The following PCOLCE2 variants were observed in gnomAD, a reference collection of about 807,000 sequenced individuals.
The protein encoded by PCOLCE2 is procollagen C-endopeptidase enhancer 2, also known as procollagen C-proteinase enhancer 2.
A neutral mutation model predicts 47.0 loss-of-function variants in PCOLCE2; 42 were observed. That is an observed-to-expected ratio of 0.89 (90% CI 0.70 to 1.16). PCOLCE2 has a LOEUF of 1.16. Among genes scored for constraint, PCOLCE2 ranks in the 50% most tolerant of loss-of-function variants. The pLI is 0.00. For missense variants in PCOLCE2, 500 were observed against 526.1 expected (o/e 0.95, Z 0.49); for synonymous variants, 169 against 191.7 (o/e 0.88, Z 0.98).
At chr3:142,848,939 G>T (rs1183662834) in intron 2 of PCOLCE2, among the ~76,000 whole-genome samples, 2 of 152,108 alleles carry the variant, frequency 1.3e-5, no homozygotes, top group Non-Finnish European at 2.9e-5. Flanking sequence ...GGATCACAAG[G>T]TCAGGAGATC....
At chr3:142,878,137 C>T (rs985151739) in intron 2 of PCOLCE2, among the ~76,000 whole-genome samples, 2 of 152,158 alleles carry the variant, frequency 1.3e-5, no homozygotes, top group African/African-American at 4.8e-5. Flanking sequence ...CCTCCCTTCA[C>T]ATTTTTGAAA....
chr3:142,863,616 G>T (rs1933225794), intron 2 of PCOLCE2, among the ~76,000 whole-genome samples: 1 of 152,160 alleles, frequency 6.6e-6, no homozygotes, highest in Non-Finnish European at 1.5e-5. Context: ...AAGAGAGGAA[G>T]AGGGTGTGGG....
intron 2 of PCOLCE2, among the ~76,000 whole-genome samples, chr3:142,855,354 A>G (rs4300980): frequency 0.57 from 86,874 of 151,602 alleles, 25,713 homozygotes; most frequent in Non-Finnish European, 0.66. Flanking sequence ...ATAATAGTGC[A>G]GGCCATGACT....
chr3:142,860,425 T>TTTG (rs140866650), intron 2 of PCOLCE2, among the ~76,000 whole-genome samples: 4,239 of 151,662 alleles, frequency 0.028, 180 homozygotes, highest in African/African-American at 0.095. Context: ...TAATTGCCTT[T>TTTG]TTGTTGTTGT....
intron 2 of PCOLCE2, chr3:142,863,771 C>T (rs1356558360): frequency 6.6e-6 from 1 of 152,172 alleles, no homozygotes; most frequent in African/African-American, 2.4e-5. Flanking sequence ...CTTATAAATT[C>T]TTTTCAAACT....
chr3:142,882,212 A>AT (rs397970809), intron 2 of PCOLCE2, among the ~76,000 whole-genome samples: 1 of 151,418 alleles, frequency 6.6e-6, no homozygotes, highest in Non-Finnish European at 1.5e-5. Context: ...AAAAAAAAAA[A>AT]TTGCAGAGAC....
At chr3:142,887,997 T>C (rs1359619509) in intron 1 of PCOLCE2, among the ~76,000 whole-genome samples, 1 of 152,196 alleles carries the variant, frequency 6.6e-6, no homozygotes, top group Non-Finnish European at 1.5e-5. Flanking sequence ...TCCATCATAA[T>C]AACACAAGAT....
chr3:142,825,512 A>T (rs1937066541), intron 6 of PCOLCE2, among the ~76,000 whole-genome samples: 1 of 151,856 alleles, frequency 6.6e-6, no homozygotes. Context: ...TTTCCTAGAC[A>T]CTCAGTTCCA....
intron 3 of PCOLCE2, among the ~76,000 whole-genome samples, chr3:142,847,603 C>T (rs961248421): frequency 6.6e-6 from 1 of 152,294 alleles, no homozygotes; most frequent in Non-Finnish European, 1.5e-5. Context: ...GTGGCATGAT[C>T]ACGGTCACTG....
intron 6 of PCOLCE2, among the ~76,000 whole-genome samples, chr3:142,828,621 A>C (rs1937111941): frequency 6.6e-6 from 1 of 152,182 alleles, no homozygotes; most frequent in African/African-American, 2.4e-5. Context: ...AGTAGGTCTG[A>C]GGCAGAAAAT....
In PCOLCE2 at chr3:142,828,834, G is replaced by A. The variant is rs114907256; in HGVS notation, c.865+858C>T. On this transcript the variant is annotated intron_variant, in intron 6 of 8. Coordinates refer to ENST00000295992, the MANE Select transcript of PCOLCE2 (RefSeq NM_013363.4). ...ACACCAAGGCTTACTGAGCTGAGCT[G>A]GAGAAATACAGCAGTTACATGAGGC... Among the ~76,000 whole-genome samples the A allele has an allele frequency of 7.1e-3, 1,086 of 152,242 alleles. 15 individuals are homozygous for A. Among genetic ancestry groups the A allele is most frequent in the African/African-American group, 0.024 (1,016 of 41,528 alleles).
At chr3:142,839,015 TA>T (rs139017693) in intron 4 of PCOLCE2, 109 bp from the exon 5 acceptor site, 7 of 820,614 alleles carry the variant, frequency 8.5e-6, no homozygotes, top group Admixed American at 2.7e-5. Flanking sequence ...TTTTCCTTTG[TA>T]AAAAAAGTAT....
intron 2 of PCOLCE2, among the ~76,000 whole-genome samples, chr3:142,852,773 G>A (rs1276208785): frequency 6.7e-6 from 1 of 148,398 alleles, no homozygotes; most frequent in Non-Finnish European, 1.5e-5. Flanking sequence ...TTATATATAT[G>A]TAACCATGCA....
chr3:142,818,966 A>G (rs1936983192), intron 8 of PCOLCE2, among the ~76,000 whole-genome samples: 1 of 152,168 alleles, frequency 6.6e-6, no homozygotes, highest in African/African-American at 2.4e-5. Context: ...GGGCTCCATG[A>G]TGGGCCATCC....
chr3:142,849,152 CA>C (rs11314094), intron 2 of PCOLCE2, among the ~76,000 whole-genome samples: 91,198 of 145,306 alleles, frequency 0.63, 28,217 homozygotes, highest in Non-Finnish European at 0.67. Flanking sequence ...GACTCCACCT[CA>C]AAAAAAAAAA....
rs1936972803 is a variant in PCOLCE2, at chr3:142,818,272, T to TGA, written c.*61_*62dup. The TGA allele has an allele frequency of 7.0e-7, 1 of 1,433,668 alleles. No individual in the cohort carries two copies. Among genetic ancestry groups the TGA allele is most frequent in the Admixed American group, 1.9e-5 (1 of 53,578 alleles). 88.8% of individuals were successfully genotyped at this position (1,433,668 alleles called of 1,614,324 possible). ...ATTTTATAAGTATTTTTTTTTCTAC[T>TGA]GAGAGAACATAGATCTTTCAAAGGC... On this transcript the variant is annotated 3_prime_UTR_variant, in exon 9 of 9. Transcript: ENST00000295992.
chr3:142,874,207 T>A lies in PCOLCE2; in HGVS notation c.192+13462A>T, dbSNP rs180782934. ...TCTCCTGCCTCAGCCTCTTGAGTAG[T>A]TGGGACTACAGGCACACGCCACCAC... On this transcript the variant is annotated intron_variant, in intron 2 of 8. Transcript: ENST00000295992. 1.3e-3 allele frequency among the ~76,000 whole-genome samples: 193 copies of A among 152,296 alleles called. 2 individuals are homozygous for A. Among genetic ancestry groups the A allele is most frequent in the African/African-American group, 4.4e-3 (183 of 41,562 alleles).
chr3:142,830,217 T>C (rs1937129773), intron 5 of PCOLCE2, among the ~76,000 whole-genome samples: 1 of 152,190 alleles, frequency 6.6e-6, no homozygotes, highest in Admixed American at 6.5e-5. Context: ...GTGGCAGACG[T>C]TGGGACATGG....
chr3:142,888,623 G>A (rs1256353967), intron 1 of PCOLCE2, 191 bp downstream of exon 1: 1 of 429,978 alleles, frequency 2.3e-6, no homozygotes, highest in Non-Finnish European at 4.2e-6. Context: ...AGCCCCGCGA[G>A]CAAGGATGGG....
Sources: gnomAD v4.1 joint callset for allele counts (sites outside exome capture counted in the v4.1 genomes callset) on GRCh38, gnomAD v4.1.1 for gene constraint, MANE v1.5 for transcripts, NCBI Gene and HGNC (gene_info 2026-07-23, HGNC 2026-07-21) for gene names.